RASGRP3: variants seen among roughly 807,000 people sequenced by gnomAD.
RASGRP3 encodes the protein ras guanyl-releasing protein 3.
Under a neutral mutation model 82.7 loss-of-function variants are expected in RASGRP3, and 54 were observed. The ratio of observed to expected loss-of-function variants is 0.65; its 90% CI spans 0.52 to 0.82. The LOEUF is 0.82. Ranked by LOEUF, RASGRP3 falls within the 40% of genes least tolerant of loss-of-function variation. The pLI is 0.00. For missense variants in RASGRP3, 861 were observed against 828.9 expected, an observed-to-expected ratio of 1.04 and a Z score of -0.48; for synonymous variants, 309 against 300.5, an observed-to-expected ratio of 1.03 and a Z score of -0.29.
intron 1 of RASGRP3, among the ~76,000 whole-genome samples, chr2:33,492,898 T>G (rs1668978940): frequency 6.6e-6 from 1 of 152,124 alleles, no homozygotes; most frequent in African/African-American, 2.4e-5. Context: ...TCTGGGGACA[T>G]GTATGGGAGC....
chr2:33,464,561 T>G (rs1188779145), intron 2 of RASGRP3, among the ~76,000 whole-genome samples: 1 of 151,602 alleles, frequency 6.6e-6, no homozygotes, highest in Non-Finnish European at 1.5e-5. Flanking sequence ...CAGCCTTGAC[T>G]TCCCCTGCTC....
chr2:33,520,249 G>C (rs1671895634), intron 5 of RASGRP3, among the ~76,000 whole-genome samples: 1 of 152,104 alleles, frequency 6.6e-6, no homozygotes, highest in Admixed American at 6.6e-5. Flanking sequence ...TCTTAGAAAG[G>C]GTGGATTTAT....
At chr2:33,442,197 C>G (rs1299903104) in intron 1 of RASGRP3, among the ~76,000 whole-genome samples, 1 of 152,172 alleles carries the variant, frequency 6.6e-6, no homozygotes, top group Non-Finnish European at 1.5e-5. Context: ...AACTCCATCT[C>G]TACTAAAAAT....
chr2:33,525,096 A>C (rs1054742924), intron 9 of RASGRP3, among the ~76,000 whole-genome samples: 22 of 128,020 alleles, frequency 1.7e-4, no homozygotes, highest in South Asian at 1.4e-3. Flanking sequence ...AAAAAAAACC[A>C]AAAAAAAAAA....
At chr2:33,545,793 CTATTAT>C (rs34536252) in intron 13 of RASGRP3, among the ~76,000 whole-genome samples, 21 of 150,758 alleles carry the variant, frequency 1.4e-4, no homozygotes, top group Non-Finnish European at 2.7e-4. Flanking sequence ...GTCAGAATGG[CTATTAT>C]TATTATTATT....
At chr2:33,458,185 T>A (rs999643571) in intron 2 of RASGRP3, 6 of 152,240 alleles carry the variant, frequency 3.9e-5, no homozygotes, top group Non-Finnish European at 7.3e-5. Context: ...AATGTGTTCT[T>A]GAATCGTATG....
chr2:33,497,508 T>A (rs1400407458), intron 1 of RASGRP3, among the ~76,000 whole-genome samples: 1 of 152,232 alleles, frequency 6.6e-6, no homozygotes, highest in Non-Finnish European at 1.5e-5. Flanking sequence ...AGTTTTTGTG[T>A]AATATCCACT....
chr2:33,459,227 C>A (rs537474124), intron 2 of RASGRP3, among the ~76,000 whole-genome samples: 3 of 152,000 alleles, frequency 2.0e-5, no homozygotes, highest in Non-Finnish European at 2.9e-5. Flanking sequence ...CTCTGCCTCC[C>A]GGGTTCAAGC....
At chr2:33,538,145 T>A (rs531848378) in intron 11 of RASGRP3, among the ~76,000 whole-genome samples, 1 of 152,202 alleles carries the variant, frequency 6.6e-6, no homozygotes, top group East Asian at 1.9e-4. Context: ...TTTAGTGATA[T>A]TTGGAGAACT....
chr2:33,495,637 A>G (rs1669239973), intron 1 of RASGRP3, among the ~76,000 whole-genome samples: 1 of 152,196 alleles, frequency 6.6e-6, no homozygotes, highest in Non-Finnish European at 1.5e-5. Flanking sequence ...CATGCTTGTA[A>G]TCCCAGCACT....
intron 2 of RASGRP3, among the ~76,000 whole-genome samples, chr2:33,471,169 AT>A (rs1424790001): frequency 6.6e-6 from 1 of 151,862 alleles, no homozygotes; most frequent in African/African-American, 2.4e-5. Flanking sequence ...ATTTTATCAA[AT>A]GATTTTTCAA....
chr2:33,520,658 C>CGTCA lies in RASGRP3; in HGVS notation c.344_347dup (p.Leu117GlnfsTer12). The CGTCA allele has an allele frequency of 6.2e-7, 1 of 1,613,944 alleles. No homozygotes were observed. Among genetic ancestry groups the CGTCA allele is most frequent in the South Asian group, 1.1e-5 (1 of 91,078 alleles). On this transcript the variant is annotated frameshift_variant, in exon 6 of 18. Coordinates refer to ENST00000403687, the MANE Select transcript of RASGRP3 (RefSeq NM_001139488.2). LOFTEE classifies it high-confidence loss of function. ...CTAGTCAACTAGGATATGAAAAACA[C>CGTCA]GTCAGCCTCATCGACATATCCAGCA...
rs534511659 is a variant in RASGRP3, at chr2:33,556,333, C to T, written c.1579+766C>T. ...CGCAATCTCGGCTCACTGCAAGCTCCGCTTCCCGGGTTCACGCCATTCTCC... is the reference window on the plus strand; with the variant it reads ...CGCAATCTCGGCTCACTGCAAGCTCTGCTTCCCGGGTTCACGCCATTCTCC... On this transcript the variant is annotated intron_variant, in intron 15 of 17. Coordinates refer to ENST00000403687, the MANE Select transcript of RASGRP3 (RefSeq NM_001139488.2). Among the ~76,000 whole-genome samples, 150 of 123,866 alleles carry T rather than the reference C, an allele frequency of 1.2e-3. 20 individuals carry two copies. The highest frequency in any genetic ancestry group is 1.9e-3 in the Non-Finnish European group (121 of 62,932). 81.3% of individuals were successfully genotyped at this position (123,866 alleles called of 152,430 possible).
rs1403289336 is a variant in RASGRP3 at position 33,546,296 on chromosome 2, C to G, written c.1394+2669C>G. Among the ~76,000 whole-genome samples, 6 of 151,778 alleles carry G rather than the reference C, an allele frequency of 4.0e-5. No homozygotes were observed. In the East Asian group the frequency reaches 7.8e-4, roughly 20 times the overall value. ...AAATTAGCCAGGCTTGGTGGCGGGC[C>G]CCTGTAGTCCCAGCTACTCGGGAGG... On this transcript the variant is annotated intron_variant, in intron 13 of 17. Coordinates refer to ENST00000403687, the MANE Select transcript of RASGRP3 (RefSeq NM_001139488.2).
intron 2 of RASGRP3, among the ~76,000 whole-genome samples, chr2:33,467,741 C>T (rs1490502098): frequency 1.3e-5 from 2 of 152,094 alleles, no homozygotes; most frequent in African/African-American, 2.4e-5. Context: ...TCTGACAGTG[C>T]CTATATGAGA....
chr2:33,527,221 A>C lies in RASGRP3; in HGVS notation c.892A>C (p.Lys298Gln). The change falls in exon 10 of 18, where the codon AAA (lysine) becomes CAA (glutamine). Residue 298 changes from lysine (K) to glutamine (Q), a missense_variant. Transcript: ENST00000403687. ...RKAFADCDGF[K>Q]IPILGVHLKD... ...GGCCTTTGCCGACTGCGATGGCTTC[A>C]AAATCCCCATCCTTGGAGTACACTT... The C allele has an allele frequency of 6.2e-7, 1 of 1,614,064 alleles. No homozygotes were observed. The highest frequency in any genetic ancestry group is 8.5e-7 in the Non-Finnish European group (1 of 1,179,888).
intron 2 of RASGRP3, among the ~76,000 whole-genome samples, chr2:33,466,067 G>A (rs1666679188): frequency 6.6e-6 from 1 of 151,506 alleles, no homozygotes; most frequent in Non-Finnish European, 1.5e-5. Flanking sequence ...AGAGATGAAT[G>A]TTGTTTTTAT....
At chr2:33,509,015 G>A (rs553339709) in intron 1 of RASGRP3, among the ~76,000 whole-genome samples, 1 of 152,304 alleles carries the variant, frequency 6.6e-6, no homozygotes, top group South Asian at 2.1e-4. Flanking sequence ...GTTAGGTGGT[G>A]TCCTCACAAG....
At chr2:33,531,220 T>C (rs1673079610) in intron 10 of RASGRP3, among the ~76,000 whole-genome samples, 1 of 152,128 alleles carries the variant, frequency 6.6e-6, no homozygotes, top group African/African-American at 2.4e-5. Flanking sequence ...GGTTGGTAAA[T>C]GCAACAACTT....
Sources: gnomAD v4.1 joint callset for allele counts (sites outside exome capture counted in the v4.1 genomes callset) on GRCh38, gnomAD v4.1.1 for gene constraint, MANE v1.5 for transcripts, NCBI Gene and HGNC (gene_info 2026-07-23, HGNC 2026-07-21) for gene names.